The following FAM118A variants were observed in gnomAD, a reference collection of about 807,000 sequenced individuals.
FAM118A encodes protein FAM118A.
FAM118A carries 25 observed loss-of-function variants against 38.2 expected under a neutral mutation model. That is an observed-to-expected ratio of 0.65 (90% CI 0.48 to 0.91). FAM118A has a LOEUF of 0.91. Among genes scored for constraint, FAM118A ranks in the 40% least tolerant of loss-of-function variants. The pLI is 0.00. For synonymous variants in FAM118A, 178 were observed against 184.1 expected (o/e 0.97, Z 0.27); for missense variants, 425 against 463.3 (o/e 0.92, Z 0.76).
chr22:45,336,367 AGAATGG>A lies in FAM118A; in HGVS notation c.1011_1016del (p.Asn338_Gly339del), dbSNP rs1433892423. ...GACTGTGCAAAGAGGAAGTTAGAAG[AGAATGG>A]AATTGAAGTTTCAAAAAAACGCACA... On this transcript the variant is annotated inframe_deletion, in exon 8 of 9. Transcript: ENST00000441876. 1 of 1,614,090 alleles carries A rather than the reference AGAATGG, an allele frequency of 6.2e-7. No homozygotes were observed. The highest frequency in any genetic ancestry group is 1.7e-5 in the Admixed American group (1 of 60,026).
rs1324808205 is a variant in FAM118A, at chr22:45,326,485, C to G, written c.301-1357C>G. ...GGCAGATCACTTGAGGGCAGGAGTT[C>G]AAGATAAGCCTGGGCAACATAGCGA... On this transcript the variant is annotated intron_variant, in intron 3 of 8. Transcript: ENST00000441876. Among the ~76,000 whole-genome samples, 3 of 152,028 alleles carry G rather than the reference C, an allele frequency of 2.0e-5. No individual in the cohort carries two copies. In the East Asian group the frequency reaches 5.8e-4, roughly 29 times the overall value.
At chr22:45,332,749 T>TAC in intron 6 of FAM118A, 39 bp downstream of exon 6, 1 of 1,462,916 alleles carries the variant, frequency 6.8e-7, no homozygotes, top group Non-Finnish European at 8.9e-7. Flanking sequence ...TCTTTCTTTT[T>TAC]TCTTTTTTTT....
At chr22:45,333,664 ACT>A (rs1336834850) in intron 6 of FAM118A, among the ~76,000 whole-genome samples, 11 of 123,590 alleles carry the variant, frequency 8.9e-5, no homozygotes, top group African/African-American at 3.3e-4. Flanking sequence ...ACAGAGCAAG[ACT>A]CTGTTTCCAA....
At chr22:45,309,835 T>C (rs2084284473), upstream of FAM118A, 1 of 150,242 alleles carries the variant, frequency 6.7e-6, no homozygotes, top group African/African-American at 2.4e-5. Context: ...GCGTCCTGGC[T>C]TCGCCCTTCC....
chr22:45,328,632 TA>T (rs34080495), intron 4 of FAM118A: 218,028 of 496,432 alleles, frequency 0.44, 23,355 homozygotes, highest in African/African-American at 0.72. Context: ...CCCTTTCTCT[TA>T]AAAAAAAAAA....
Position 45,323,431 on chromosome 22 carries a change from A to G in FAM118A, c.300+4A>G, listed in dbSNP as rs757573673. 1.2e-6 allele frequency: 2 copies of G among 1,610,942 alleles called. No homozygotes were observed. Among genetic ancestry groups the G allele is most frequent in the African/African-American group, 2.7e-5 (2 of 74,890 alleles). On this transcript the variant is annotated splice_donor_region_variant and intron_variant, in intron 3 of 8. Coordinates refer to ENST00000441876, the MANE Select transcript of FAM118A (RefSeq NM_017911.4). The stretch of plus-strand genomic sequence containing the variant: ...TCTGATCCGGAAGATGTCACCTGTA[A>G]GTGTCAGACAAGTACCTCTTGGGGA...
At chr22:45,319,649 CAG>C (rs772556994) in intron 1 of FAM118A, among the ~76,000 whole-genome samples, 1 of 152,124 alleles carries the variant, frequency 6.6e-6, no homozygotes, top group Non-Finnish European at 1.5e-5. Context: ...ATTGAAATCT[CAG>C]GGGTGGGGTC....
intron 1 of FAM118A, among the ~76,000 whole-genome samples, chr22:45,321,068 A>G (rs2084849650): frequency 6.6e-6 from 1 of 152,224 alleles, no homozygotes. Flanking sequence ...ATTTTAATGC[A>G]TGAAAAAGTA....
chr22:45,340,542 C>A lies in FAM118A; in HGVS notation c.*137C>A. 9.6e-7 allele frequency: 1 copy of A among 1,043,268 alleles called. No individual in the cohort carries two copies. Among genetic ancestry groups the A allele is most frequent in the South Asian group, 1.3e-5 (1 of 76,724 alleles). 64.6% of individuals were successfully genotyped at this position (1,043,268 alleles called of 1,614,324 possible). On this transcript the variant is annotated 3_prime_UTR_variant, in exon 9 of 9. Transcript: ENST00000441876. ...ACATACACCAAGAGAGCCACATGGG[C>A]ATGTGGCCCTCAAGGCTGGGTGAGA...
rs1027225849 is a variant in FAM118A, at chr22:45,316,019, T to C, written c.-10+5836T>C. Reference sequence around the variant, plus strand: ...TGGTTAGAAATATGACTGTCACATGTGCTTGAAGACTGTTGCTCAGTGATT... The same window carrying C: ...TGGTTAGAAATATGACTGTCACATGCGCTTGAAGACTGTTGCTCAGTGATT... On this transcript the variant is annotated intron_variant, in intron 1 of 8. Transcript: ENST00000441876. Among the ~76,000 whole-genome samples, 4 of 152,312 alleles carry C rather than the reference T, an allele frequency of 2.6e-5. No homozygotes were observed. The South Asian group carries it at 8.3e-4, about 32-fold the overall frequency.
At chr22:45,326,150 G>A (rs1000720377) in intron 3 of FAM118A, among the ~76,000 whole-genome samples, 1 of 152,122 alleles carries the variant, frequency 6.6e-6, no homozygotes, top group Non-Finnish European at 1.5e-5. Context: ...CGGGCAGAGG[G>A]GACCCTGTGT....
chr22:45,331,818 C>T (rs2085742321), intron 5 of FAM118A, among the ~76,000 whole-genome samples: 2 of 152,070 alleles, frequency 1.3e-5, no homozygotes, highest in African/African-American at 4.8e-5. Flanking sequence ...ATTGGCGATT[C>T]CCTCCTGCCT....
chr22:45,333,447 G>C (rs188069348), intron 6 of FAM118A, among the ~76,000 whole-genome samples: 4 of 152,206 alleles, frequency 2.6e-5, no homozygotes, highest in African/African-American at 4.8e-5. Flanking sequence ...GGCTGAGGTG[G>C]GTGGATCACG....
chr22:45,341,509 A>G lies in FAM118A; in HGVS notation c.*1104A>G, dbSNP rs2086452088. The G allele has an allele frequency of 6.6e-6, 1 of 152,316 alleles. No homozygotes were observed. Among genetic ancestry groups the G allele is most frequent in the South Asian group, 2.1e-4 (1 of 4,824 alleles). 9.4% of individuals were successfully genotyped at this position (152,316 alleles called of 1,614,324 possible). ...TTATTGTCTCTTAAAATTCTCTTCC[A>G]TGGCCCACATTAAGGGAGTTTGCAG... On this transcript the variant is annotated 3_prime_UTR_variant, in exon 9 of 9. Transcript: ENST00000441876.
At chr22:45,337,533 AAAACT>A (rs780222012) in intron 8 of FAM118A, among the ~76,000 whole-genome samples, 5 of 152,046 alleles carry the variant, frequency 3.3e-5, no homozygotes, top group Admixed American at 6.6e-5. Flanking sequence ...TTGTGTTCCA[AAAACT>A]AACGTTTCCC....
In FAM118A at chr22:45,332,549, A is replaced by G. The variant is rs1363219842; in HGVS notation, c.776A>G (p.His259Arg). The part of the protein sequence containing the change: ...YSVPNKVDLE[H>R]YMLVLKENED... ...GTGCCGAATAAGGTGGATTTGGAGC[A>G]CTACATGCTTGTGCTGAAGGAGAAT... Residue 259 changes from histidine (H) to arginine (R), a missense_variant, in exon 6 of 9, where the codon CAC (histidine) becomes CGC (arginine). By Grantham distance (29) the His-to-Arg change is conservative (BLOSUM62 0). Transcript: ENST00000441876. The G allele has an allele frequency of 2.5e-6, 4 of 1,614,062 alleles. 1 individual carries two copies. The highest frequency in any genetic ancestry group is 1.7e-6 in the Non-Finnish European group (2 of 1,180,048).
chr22:45,326,083 G>A (rs1410029342), intron 3 of FAM118A, among the ~76,000 whole-genome samples: 1 of 152,124 alleles, frequency 6.6e-6, no homozygotes, highest in Non-Finnish European at 1.5e-5. Flanking sequence ...CAGAGGGCGA[G>A]GGGAGGTATT....
Position 45,327,928 on chromosome 22 carries a change from G to T in FAM118A, c.387G>T (p.Val129=), listed in dbSNP as rs2085405847. ...DDLEQHIRSP[V]VLQSILSLMD... ...TGGAGCAGCACATCCGGAGTCCTGT[G>T]GTGCTGCAGTCGATCCTCAGCCTGA... Residue 129 remains valine, a synonymous_variant, in exon 4 of 9, where the codon GTG becomes GTT. Transcript: ENST00000441876. The T allele has an allele frequency of 6.2e-7, 1 of 1,614,120 alleles. No homozygotes were observed. Among genetic ancestry groups the T allele is most frequent in the South Asian group, 1.1e-5 (1 of 91,088 alleles).
At chr22:45,311,058 C>T (rs1315453849) in intron 1 of FAM118A, among the ~76,000 whole-genome samples, 2 of 151,990 alleles carry the variant, frequency 1.3e-5, no homozygotes, top group African/African-American at 4.8e-5. Flanking sequence ...GCTGTGTCGT[C>T]GCTGGCAGGG....
Sources: allele counts gnomAD v4.1 joint callset (sites outside exome capture counted in the v4.1 genomes callset), GRCh38; gene constraint gnomAD v4.1.1; transcripts MANE v1.5; gene names NCBI Gene and HGNC (gene_info 2026-07-23, HGNC 2026-07-21).